Variants in PEBP4 observed in about 807,000 individuals in gnomAD.
PEBP4 encodes phosphatidylethanolamine binding protein 4, also known as phosphatidylethanolamine-binding protein 4.
In PEBP4, 22 loss-of-function variants were observed where a neutral mutation model predicts 23.9. That is an observed-to-expected ratio of 0.92 (90% CI 0.66 to 1.31). PEBP4 has a LOEUF of 1.31. Ranked by LOEUF, PEBP4 falls within the 40% of genes most tolerant of loss-of-function variation. PEBP4 has a pLI of 0.00. For missense variants in PEBP4, 324 were observed against 281.7 expected, an observed-to-expected ratio of 1.15 and a Z score of -1.07; for synonymous variants, 112 against 99.3, an observed-to-expected ratio of 1.13 and a Z score of -0.76.
chr8:22,814,312 T>C (rs1806694275), intron 4 of PEBP4, among the ~76,000 whole-genome samples: 1 of 152,218 alleles, frequency 6.6e-6, no homozygotes, highest in Non-Finnish European at 1.5e-5. Flanking sequence ...AATAGTGTTC[T>C]ATATATATTT....
At chr8:22,888,052 G>T (rs1379574102) in intron 3 of PEBP4, 5 of 151,892 alleles carry the variant, frequency 3.3e-5, no homozygotes, top group Non-Finnish European at 7.4e-5. Context: ...CCAGTTAATT[G>T]TCTTCCCCTG....
chr8:22,715,632 G>A (rs1338436484), intron 6 of PEBP4, among the ~76,000 whole-genome samples: 6 of 152,214 alleles, frequency 3.9e-5, no homozygotes, highest in South Asian at 2.1e-4. Flanking sequence ...TCAATAGTTC[G>A]GAAGCCTCTG....
Position 22,867,732 on chromosome 8 carries a change from T to C in PEBP4, c.259-49997A>G, listed in dbSNP as rs531958534. ...CAGATTCTGAGTTCCAAGCTGGAAA[T>C]AGAGGGGCCTTTGCTCACGTCATTG... On this transcript the variant is annotated intron_variant, in intron 3 of 6. Transcript: ENST00000256404. 5.9e-5 allele frequency among the ~76,000 whole-genome samples: 9 copies of C among 152,248 alleles called. No individual in the cohort carries two copies. The South Asian group carries it at 1.9e-3, about 32-fold the overall frequency.
Position 22,920,214 on chromosome 8 carries a change from C to G in PEBP4, c.228G>C (p.Glu76Asp), listed in dbSNP as rs528974945. The change falls in exon 3 of 7, where the codon GAG (glutamate) becomes GAC (aspartate). Residue 76 changes from glutamate to aspartate, a missense_variant. Coordinates refer to ENST00000256404, the MANE Select transcript of PEBP4 (RefSeq NM_144962.3). ...CGGCCCCCGGGAACTTGACTATCGGCTCCATCCAGGAGGTGATCTTCTGTC... is the reference window on the plus strand; with the variant it reads ...CGGCCCCCGGGAACTTGACTATCGGGTCCATCCAGGAGGTGATCTTCTGTC... The part of the protein sequence containing the change: ...NYRQKITSWM[E>D]PIVKFPGAVD... 6.2e-7 allele frequency: 1 copy of G among 1,613,306 alleles called. No homozygotes were observed. Among genetic ancestry groups the G allele is most frequent in the African/African-American group, 1.3e-5 (1 of 74,998 alleles).
intron 4 of PEBP4, among the ~76,000 whole-genome samples, chr8:22,798,974 G>A (rs1286759049): frequency 6.6e-6 from 1 of 152,024 alleles, no homozygotes; most frequent in African/African-American, 2.4e-5. Context: ...CTGACCTCAA[G>A]TGATCTGCCC....
At chr8:22,831,421 G>GAC (rs1807081950) in intron 3 of PEBP4, among the ~76,000 whole-genome samples, 1 of 152,122 alleles carries the variant, frequency 6.6e-6, no homozygotes, top group Non-Finnish European at 1.5e-5. Flanking sequence ...GCACACAGTA[G>GAC]ACACTCAATA....
At chr8:22,903,863 A>G (rs527510765) in intron 3 of PEBP4, among the ~76,000 whole-genome samples, 1 of 152,326 alleles carries the variant, frequency 6.6e-6, no homozygotes, top group African/African-American at 2.4e-5. Context: ...ACCTCCTTCA[A>G]GGCAGATATT....
intron 3 of PEBP4, among the ~76,000 whole-genome samples, chr8:22,854,319 G>C (rs1178672355): frequency 6.6e-6 from 1 of 152,114 alleles, no homozygotes; most frequent in Non-Finnish European, 1.5e-5. Flanking sequence ...TTTGCAGAGG[G>C]CTCACCAAAA....
intron 3 of PEBP4, among the ~76,000 whole-genome samples, chr8:22,850,996 A>G (rs1235550925): frequency 6.6e-6 from 1 of 152,240 alleles, no homozygotes; most frequent in Non-Finnish European, 1.5e-5. Flanking sequence ...AGTTCTTAGG[A>G]AACAGCATTT....
chr8:22,842,285 G>T (rs192007170), intron 3 of PEBP4, among the ~76,000 whole-genome samples: 1 of 151,992 alleles, frequency 6.6e-6, no homozygotes, highest in Non-Finnish European at 1.5e-5. Flanking sequence ...TGGGTAGATC[G>T]TGACTTTTAG....
At chr8:22,780,111 G>A (rs191353780) in intron 4 of PEBP4, among the ~76,000 whole-genome samples, 2 of 152,152 alleles carry the variant, frequency 1.3e-5, no homozygotes, top group African/African-American at 4.8e-5. Flanking sequence ...CCACAGGCAC[G>A]CACTATCACA....
chr8:22,924,698 T>A, intron 2 of PEBP4: 1 of 985,384 alleles, frequency 1.0e-6, no homozygotes. Flanking sequence ...CAGGGCTGAC[T>A]GGATGGCAGC....
intron 2 of PEBP4, among the ~76,000 whole-genome samples, chr8:22,925,876 G>C (rs1045233956): frequency 1.3e-5 from 2 of 152,232 alleles, no homozygotes; most frequent in African/African-American, 4.8e-5. Flanking sequence ...TCACTCAGCA[G>C]AGCACCTAGA....
chr8:22,800,933 G>A (rs180916943), intron 4 of PEBP4, among the ~76,000 whole-genome samples: 1 of 152,000 alleles, frequency 6.6e-6, no homozygotes, highest in East Asian at 1.9e-4. Context: ...CCTTTTCTTG[G>A]ACACTTTCCT....
rs1472031447 is a variant in PEBP4, at chr8:22,727,122, T to C, written c.403+53A>G. The C allele has an allele frequency of 1.6e-5, 25 of 1,594,674 alleles. No individual in the cohort carries two copies. The East Asian group carries it at 5.1e-4, about 33-fold the overall frequency. On this transcript the variant is annotated intron_variant, in intron 5 of 6. Coordinates refer to ENST00000256404, the MANE Select transcript of PEBP4 (RefSeq NM_144962.3). ...CAGCACCATGAGGTTTTGATTCCTG[T>C]GATCGTCACTGATGCCCTGGCTGGG...
chr8:22,909,020 G>A (rs1808877197), intron 3 of PEBP4, among the ~76,000 whole-genome samples: 1 of 152,188 alleles, frequency 6.6e-6, no homozygotes, highest in Non-Finnish European at 1.5e-5. Flanking sequence ...TGCAGAGAGA[G>A]GTGAACCCAC....
chr8:22,729,593 C>T (rs55903357), intron 4 of PEBP4, among the ~76,000 whole-genome samples: 21,268 of 152,214 alleles, frequency 0.14, 1,917 homozygotes, highest in Middle Eastern at 0.21. Context: ...TCTTATCAAC[C>T]GGGGCCAGCA....
chr8:22,735,945 C>T lies in PEBP4; in HGVS notation c.358-8725G>A, dbSNP rs80035488. ...AAAGCACTAGAAAGAAAAAGCATTC[C>T]CTGGATCCTACCACATAGAGACAAT... On this transcript the variant is annotated intron_variant, in intron 4 of 6. Coordinates refer to ENST00000256404, the MANE Select transcript of PEBP4 (RefSeq NM_144962.3). Among the ~76,000 whole-genome samples, 357 of 152,268 alleles carry T rather than the reference C, an allele frequency of 2.3e-3. 1 individual carries two copies. The highest frequency in any genetic ancestry group is 8.2e-3 in the African/African-American group (341 of 41,548).
At chr8:22,912,017 G>A (rs1808948198) in intron 3 of PEBP4, among the ~76,000 whole-genome samples, 1 of 152,116 alleles carries the variant, frequency 6.6e-6, no homozygotes, top group Non-Finnish European at 1.5e-5. Flanking sequence ...CTATCGGACT[G>A]GGGGTGGCGG....
Sources: allele counts gnomAD v4.1 joint callset (sites outside exome capture counted in the v4.1 genomes callset), GRCh38; gene constraint gnomAD v4.1.1; transcripts MANE v1.5; gene names NCBI Gene and HGNC (gene_info 2026-07-23, HGNC 2026-07-21).